The following PBX3 variants were observed in gnomAD, a reference collection of about 807,000 sequenced individuals.
PBX3 encodes the protein PBX homeobox 3.
Under a neutral mutation model 48.5 loss-of-function variants are expected in PBX3, and 14 were observed. The observed-to-expected ratio is 0.29, with a 90% CI of 0.19 to 0.45. PBX3 has a LOEUF of 0.45. PBX3 is among the 20% of genes least tolerant of loss of function. The pLI is 1.00. For missense variants in PBX3, 386 were observed against 546.7 expected (o/e 0.71, Z 2.93); for synonymous variants, 210 against 200.3 (o/e 1.05, Z -0.41).
chr9:125,935,423 G>T, intron 4 of PBX3, 49 bp from the exon 5 acceptor site: 1 of 1,588,786 alleles, frequency 6.3e-7, no homozygotes, highest in South Asian at 1.1e-5. Context: ...ATCCCTCTTA[G>T]GTTAATGCTG....
At chr9:125,839,386 G>C (rs10986969) in intron 2 of PBX3, among the ~76,000 whole-genome samples, 3,058 of 152,218 alleles carry the variant, frequency 0.02, 171 homozygotes, top group East Asian at 0.17. Context: ...TCTCTCACTT[G>C]TTCAGATCTA....
chr9:125,833,423 G>T (rs1488684969), intron 2 of PBX3, among the ~76,000 whole-genome samples: 1 of 152,022 alleles, frequency 6.6e-6, no homozygotes, highest in Admixed American at 6.6e-5. Flanking sequence ...TGTGGAGGTT[G>T]CAGTGAGCCT....
chr9:125,965,988 A>G lies in PBX3; in HGVS notation c.*65A>G. ...AGTGCATTCAGAGCAATAGGAGGAA[A>G]AGGAAAGCGTTTTTGTAGCCCACCA... On this transcript the variant is annotated 3_prime_UTR_variant, in exon 9 of 9. Coordinates refer to ENST00000373489, the MANE Select transcript of PBX3 (RefSeq NM_006195.6). 1.6e-6 allele frequency: 2 copies of G among 1,229,024 alleles called. No individual in the cohort carries two copies. The highest frequency in any genetic ancestry group is 2.4e-6 in the Non-Finnish European group (2 of 840,682). The allele number at this position is 1,229,024 out of a possible 1,614,324, so 76.1% of individuals were successfully genotyped here. A position where few individuals can be genotyped will look rare whatever the true frequency, so the allele number is the denominator to read the frequency against.
chr9:125,770,559 C>T (rs978882855), intron 2 of PBX3, among the ~76,000 whole-genome samples: 5 of 152,216 alleles, frequency 3.3e-5, no homozygotes, highest in African/African-American at 1.2e-4. Flanking sequence ...GGTTCTTACT[C>T]AGCCCAGCAC....
At chr9:125,928,823 A>G (rs936685094) in intron 3 of PBX3, among the ~76,000 whole-genome samples, 2 of 152,166 alleles carry the variant, frequency 1.3e-5, no homozygotes, top group African/African-American at 4.8e-5. Context: ...TCTGTTGGAC[A>G]TCCCTTGAAG....
At chr9:125,799,284 G>A (rs927475890) in intron 2 of PBX3, among the ~76,000 whole-genome samples, 4 of 152,204 alleles carry the variant, frequency 2.6e-5, no homozygotes, top group African/African-American at 7.2e-5. Context: ...GGGCCAAGGT[G>A]GGCGGATCAT....
At chr9:125,756,426 T>C (rs1262773972) in intron 2 of PBX3, among the ~76,000 whole-genome samples, 3 of 152,078 alleles carry the variant, frequency 2.0e-5, no homozygotes, top group Non-Finnish European at 4.4e-5. Flanking sequence ...TACAAGAAGG[T>C]TAAGGTTTAC....
At chr9:125,846,409 A>G (rs1337808344) in intron 2 of PBX3, among the ~76,000 whole-genome samples, 1 of 152,092 alleles carries the variant, frequency 6.6e-6, no homozygotes, top group Non-Finnish European at 1.5e-5. Context: ...TTGAGAGCTT[A>G]AAAAGATTTA....
intron 2 of PBX3, among the ~76,000 whole-genome samples, chr9:125,835,362 C>G (rs1839101597): frequency 6.6e-6 from 1 of 152,018 alleles, no homozygotes. Context: ...GGAGATGGCC[C>G]TAGAGTCTAT....
At chr9:125,956,143 A>G (rs932541494) in intron 5 of PBX3, among the ~76,000 whole-genome samples, 2 of 152,352 alleles carry the variant, frequency 1.3e-5, no homozygotes, top group African/African-American at 2.4e-5. Flanking sequence ...AATGCACCCA[A>G]CAGTTCTGTG....
chr9:125,932,015 T>TGA (rs1460436088), intron 4 of PBX3, among the ~76,000 whole-genome samples: 1 of 152,234 alleles, frequency 6.6e-6, no homozygotes, highest in East Asian at 1.9e-4. Flanking sequence ...ACTAAATTGT[T>TGA]CTTTCCTGTG....
chr9:125,963,537 A>G (rs1021736471), intron 8 of PBX3, among the ~76,000 whole-genome samples: 1 of 152,242 alleles, frequency 6.6e-6, no homozygotes, highest in African/African-American at 2.4e-5. Flanking sequence ...ATCTTGCTGT[A>G]TTGTCAATGT....
chr9:125,821,228 T>C (rs1483824169), intron 2 of PBX3, among the ~76,000 whole-genome samples: 2 of 152,146 alleles, frequency 1.3e-5, no homozygotes, highest in South Asian at 2.1e-4. Context: ...GTAAAACATA[T>C]CATAGCTCTG....
At position 125,965,880 on chromosome 9, in the gene PBX3, C is replaced by T. The variant is rs1440777808; in HGVS notation, c.1262C>T (p.Pro421Leu). The change falls in exon 9 of 9, where the codon CCT (proline) becomes CTT (leucine). Residue 421 changes from proline (P) to leucine (L), a missense_variant. Pro to Leu is a moderately conservative substitution (Grantham distance 98). Around this residue, in one of 4 missense-constraint regions of PBX3, gnomAD observed 127 missense variants for 143.3 expected, o/e 0.89. Coordinates refer to ENST00000373489, the MANE Select transcript of PBX3 (RefSeq NM_006195.6). ...DATTPSSVTS[P>L]TEGPGSVHSD... ...ACAACTCCATCTTCTGTGACTTCTC[C>T]TACAGAAGGCCCAGGAAGTGTGCAC... 1 of 1,614,128 alleles carries T rather than the reference C, an allele frequency of 6.2e-7. No homozygotes were observed. Among genetic ancestry groups the T allele is most frequent in the South Asian group, 1.1e-5 (1 of 91,074 alleles).
intron 2 of PBX3, among the ~76,000 whole-genome samples, chr9:125,897,258 C>T (rs1840796692): frequency 6.7e-6 from 1 of 148,708 alleles, no homozygotes; most frequent in Admixed American, 6.8e-5. Flanking sequence ...AATGATAGGA[C>T]ATTTTGCAAA....
At chr9:125,764,534 A>C (rs1836754015) in intron 2 of PBX3, among the ~76,000 whole-genome samples, 1 of 152,228 alleles carries the variant, frequency 6.6e-6, no homozygotes, top group Non-Finnish European at 1.5e-5. Flanking sequence ...AAAGCAGATT[A>C]TGTCTTAAGG....
intron 2 of PBX3, among the ~76,000 whole-genome samples, chr9:125,786,216 AAG>A (rs765854976): frequency 2.0e-5 from 3 of 152,304 alleles, no homozygotes; most frequent in Non-Finnish European, 4.4e-5. Flanking sequence ...CTTTCTTTCT[AAG>A]AGAGGAGATT....
chr9:125,818,104 C>A (rs995856476), intron 2 of PBX3, among the ~76,000 whole-genome samples: 22 of 151,578 alleles, frequency 1.5e-4, no homozygotes, highest in Admixed American at 1.2e-3. Context: ...GAGGCTGAGG[C>A]AGAAGAATAG....
chr9:125,958,206 C>T (rs1269037954), intron 5 of PBX3, among the ~76,000 whole-genome samples: 1 of 87,258 alleles, frequency 1.1e-5, no homozygotes, highest in Non-Finnish European at 2.8e-5. Context: ...GCTTGTCCCT[C>T]TCCACTGACC....
Sources: allele counts gnomAD v4.1 joint callset (sites outside exome capture counted in the v4.1 genomes callset), GRCh38; gene constraint gnomAD v4.1.1; regional missense constraint gnomAD v4.1.1; transcripts MANE v1.5; gene names NCBI Gene and HGNC (gene_info 2026-07-23, HGNC 2026-07-21).